TRABD2A: variants seen among roughly 807,000 people sequenced by gnomAD.
The protein encoded by TRABD2A is TraB domain containing 2A, also known as metalloprotease TIKI1.
Under a neutral mutation model 45.6 loss-of-function variants are expected in TRABD2A, and 43 were observed. The observed-to-expected ratio is 0.94, with a 90% CI of 0.74 to 1.22. The LOEUF is 1.22. TRABD2A is among the 50% of genes most tolerant of loss of function. TRABD2A has a pLI of 0.00. For synonymous variants in TRABD2A, 269 were observed against 265.0 expected, an observed-to-expected ratio of 1.02 and a Z score of -0.15; for missense variants, 642 against 652.4, an observed-to-expected ratio of 0.98 and a Z score of 0.17.
intron 4 of TRABD2A, chr2:84,837,104 C>T (rs1681542347): frequency 6.6e-6 from 1 of 150,662 alleles, no homozygotes; most frequent in Admixed American, 6.6e-5. Flanking sequence ...AGCAGTTCTC[C>T]TGCTTCAGCC....
At chr2:84,861,602 G>A (rs768494816) in intron 2 of TRABD2A, among the ~76,000 whole-genome samples, 1 of 152,172 alleles carries the variant, frequency 6.6e-6, no homozygotes, top group Non-Finnish European at 1.5e-5. Flanking sequence ...GGTGATTGGG[G>A]ACCCCTGCTC....
chr2:84,856,242 C>T (rs1682298798), intron 2 of TRABD2A, among the ~76,000 whole-genome samples: 1 of 152,092 alleles, frequency 6.6e-6, no homozygotes, highest in Non-Finnish European at 1.5e-5. Context: ...CCCCACCTCA[C>T]CTAGGTCTCC....
At chr2:84,859,077 G>A (rs144540907) in intron 2 of TRABD2A, among the ~76,000 whole-genome samples, 3 of 152,290 alleles carry the variant, frequency 2.0e-5, no homozygotes, top group South Asian at 2.1e-4. Flanking sequence ...TACTGCCCTC[G>A]GGGTGTGTTT....
At chr2:84,825,124 G>A (rs2105369748) in intron 5 of TRABD2A, among the ~76,000 whole-genome samples, 1 of 152,308 alleles carries the variant, frequency 6.6e-6, no homozygotes, top group Middle Eastern at 3.4e-3. Context: ...TAGGTAGTGA[G>A]AGTCCTGAAA....
intron 2 of TRABD2A, among the ~76,000 whole-genome samples, chr2:84,846,912 G>A (rs922065631): frequency 7.2e-5 from 11 of 152,232 alleles, no homozygotes; most frequent in Non-Finnish European, 1.5e-5. Context: ...AAACCAGGGA[G>A]GCAGGTCACT....
At chr2:84,857,029 C>T (rs1257979942) in intron 2 of TRABD2A, among the ~76,000 whole-genome samples, 2 of 152,178 alleles carry the variant, frequency 1.3e-5, no homozygotes, top group East Asian at 3.8e-4. Flanking sequence ...AGAGAAAAGG[C>T]TGTGTGAGGT....
rs1229142190 is a variant in TRABD2A at position 84,830,365 on chromosome 2, C to T, written c.1082+1690G>A. On this transcript the variant is annotated intron_variant, in intron 5 of 6. Coordinates refer to ENST00000409520, the MANE Select transcript of TRABD2A (RefSeq NM_001277053.2). The surrounding 1 kb of genome is among the most constrained non-coding windows in gnomAD (Gnocchi z 4.9). ...GAGAGGCGGGGACGGGATGGAGGCTCTTCTGAAGCAAGCAGCAGATCCATG... is the reference window on the plus strand; with the variant it reads ...GAGAGGCGGGGACGGGATGGAGGCTTTTCTGAAGCAAGCAGCAGATCCATG... Among the ~76,000 whole-genome samples, 3 of 152,148 alleles carry T rather than the reference C, an allele frequency of 2.0e-5. No individual in the cohort carries two copies. Among genetic ancestry groups the T allele is most frequent in the African/African-American group, 4.8e-5 (2 of 41,416 alleles).
At chr2:84,872,056 ATCC>A (rs1466329842) in intron 1 of TRABD2A, among the ~76,000 whole-genome samples, 1 of 152,194 alleles carries the variant, frequency 6.6e-6, no homozygotes, top group Non-Finnish European at 1.5e-5. Context: ...AGTGTCTCTC[ATCC>A]TCAACAACTG....
chr2:84,841,944 T>C lies in TRABD2A; in HGVS notation c.733A>G (p.Ile245Val), dbSNP rs1022495275. The C allele has an allele frequency of 3.0e-5, 46 of 1,541,528 alleles. No individual in the cohort carries two copies. Among genetic ancestry groups the C allele is most frequent in the Non-Finnish European group, 3.9e-5 (45 of 1,143,528 alleles). Reference protein sequence around the residue: ...QESLRAGSLQIPYTTEDLIKH... With the variant: ...QESLRAGSLQVPYTTEDLIKH... ...ATGAGATCCTCCGTCGTGTAGGGGATCTGAAGACTGCCTGCTCGCAGGCTT... is the reference window on the plus strand; with the variant it reads ...ATGAGATCCTCCGTCGTGTAGGGGACCTGAAGACTGCCTGCTCGCAGGCTT... The change falls in exon 3 of 7, where the codon ATC becomes GTC. Residue 245 changes from isoleucine to valine, a missense_variant. Physicochemically the swap from Ile to Val is conservative, Grantham distance 29. Transcript: ENST00000409520.
chr2:84,872,672 T>C (rs1235158149), intron 1 of TRABD2A, among the ~76,000 whole-genome samples: 1 of 152,244 alleles, frequency 6.6e-6, no homozygotes, highest in East Asian at 1.9e-4. Context: ...ATTCTTATTA[T>C]TCATGGTAGT....
intron 2 of TRABD2A, among the ~76,000 whole-genome samples, chr2:84,845,575 G>A (rs1394080805): frequency 6.6e-6 from 1 of 151,712 alleles, no homozygotes; most frequent in Non-Finnish European, 1.5e-5. Flanking sequence ...AAGGGCGGGG[G>A]AAGAAGGGTA....
chr2:84,872,942 G>A (rs913006458), intron 1 of TRABD2A, among the ~76,000 whole-genome samples: 5 of 151,320 alleles, frequency 3.3e-5, no homozygotes, highest in Non-Finnish European at 5.9e-5. Flanking sequence ...TGGTGAAACC[G>A]TGTCTCTACT....
intron 2 of TRABD2A, among the ~76,000 whole-genome samples, chr2:84,849,857 C>T (rs2105389286): frequency 6.6e-6 from 1 of 152,332 alleles, no homozygotes; most frequent in East Asian, 1.9e-4. Flanking sequence ...TCACTCTCGC[C>T]AGAAGGGATG....
intron 5 of TRABD2A, among the ~76,000 whole-genome samples, chr2:84,829,363 A>AACACACACAC (rs146287038): frequency 3.8e-3 from 550 of 145,694 alleles, no homozygotes; most frequent in South Asian, 0.016. Context: ...AACAACCAGC[A>AACACACACAC]ACACACACAC....
At chr2:84,822,634 C>T (rs1358525277) in intron 6 of TRABD2A, among the ~76,000 whole-genome samples, 1 of 152,192 alleles carries the variant, frequency 6.6e-6, no homozygotes, top group Non-Finnish European at 1.5e-5. Flanking sequence ...GTGCCCAACC[C>T]CGTAGTCACC....
intron 6 of TRABD2A, among the ~76,000 whole-genome samples, chr2:84,822,570 A>AG (rs1465840431): frequency 2.6e-5 from 4 of 152,198 alleles, no homozygotes; most frequent in Non-Finnish European, 4.4e-5. Context: ...GTTCAAGCTG[A>AG]GGGGCCCATG....
rs529449354 is a variant in TRABD2A at position 84,842,019 on chromosome 2, G to A, written c.670-12C>T. 2.9e-4 allele frequency: 437 copies of A among 1,482,970 alleles called. 1 individual carries two copies. Among genetic ancestry groups the A allele is most frequent in the Middle Eastern group, 1.6e-3 (9 of 5,652 alleles). The allele number at this position is 1,482,970 out of a possible 1,614,324, so 91.9% of individuals were successfully genotyped here. A position where few individuals can be genotyped will look rare whatever the true frequency, so the allele number is the denominator to read the frequency against. On this transcript the variant is annotated splice_polypyrimidine_tract_variant and intron_variant, in intron 2 of 6. Coordinates refer to ENST00000409520, the MANE Select transcript of TRABD2A (RefSeq NM_001277053.2). ...AAAGCAAAGATGACCTAAAAGAAAG[G>A]TCTCTTTTAAGTTCACTAACAAGGC...
rs368020516 is a variant in TRABD2A, at chr2:84,870,471, G to C, written c.423C>G (p.Asp141Glu). The C allele has an allele frequency of 9.3e-6, 15 of 1,614,028 alleles. No individual in the cohort carries two copies. The highest frequency in any genetic ancestry group is 1.3e-5 in the Non-Finnish European group (15 of 1,179,898). ...CTGCGTAGAGCCCCTTGCCGCGCTG[G>C]TCTGGGGTCATCCACAAGGGCATCA... ...KLMMPLWMTP[D>E]QRGKGLYADY... Residue 141 changes from aspartate (D) to glutamate (E), a missense_variant, in exon 2 of 7, where the codon GAC becomes GAG. Transcript: ENST00000409520.
intron 1 of TRABD2A, 61 bp from the exon 2 acceptor site, chr2:84,870,846 G>GT: frequency 7.1e-7 from 1 of 1,415,546 alleles, no homozygotes; most frequent in Non-Finnish European, 9.4e-7. Context: ...TCAGGAACCT[G>GT]TGAGAGGAAA....
Sources: gnomAD v4.1 joint callset for allele counts (sites outside exome capture counted in the v4.1 genomes callset) on GRCh38, gnomAD v4.1.1 for gene constraint, Gnocchi (gnomAD v3.1) non-coding constraint, MANE v1.5 for transcripts, NCBI Gene and HGNC (gene_info 2026-07-23, HGNC 2026-07-21) for gene names.